The following AFF4 variants were observed in gnomAD, a reference collection of about 807,000 sequenced individuals.
AFF4 encodes the protein ALF transcription elongation factor 4.
AFF4 carries 13 observed loss-of-function variants against 124.8 expected under a neutral mutation model. That is an observed-to-expected ratio of 0.10 (90% CI 0.07 to 0.17). AFF4 has a LOEUF of 0.17. Among genes scored for constraint, AFF4 ranks in the 10% least tolerant of loss-of-function variants. The pLI, the probability that AFF4 is intolerant of heterozygous loss-of-function variation, is 1.00. For synonymous variants in AFF4, 477 were observed against 496.1 expected, an observed-to-expected ratio of 0.96 and a Z score of 0.51; for missense variants, 1,092 against 1,403.8, an observed-to-expected ratio of 0.78 and a Z score of 3.55.
At chr5:132,886,192 A>C in intron 18 of AFF4, 118 bp downstream of exon 18, 1 of 833,836 alleles carries the variant, frequency 1.2e-6, no homozygotes, top group Non-Finnish European at 1.9e-6. Flanking sequence ...GAAAAGTCCC[A>C]AACAGTAGCT....
chr5:132,928,004 T>C (rs2150093766), intron 4 of AFF4, among the ~76,000 whole-genome samples: 1 of 152,308 alleles, frequency 6.6e-6, no homozygotes, highest in East Asian at 1.9e-4. Flanking sequence ...ATATTATTTC[T>C]GGCATTTAGT....
intron 7 of AFF4, among the ~76,000 whole-genome samples, chr5:132,901,786 C>A (rs1355381474): frequency 6.6e-6 from 1 of 152,138 alleles, no homozygotes; most frequent in South Asian, 2.1e-4. Flanking sequence ...AAAACATACA[C>A]ATACAACTCT....
intron 5 of AFF4, among the ~76,000 whole-genome samples, chr5:132,908,776 A>ATATTTT (rs375891983): frequency 6.6e-4 from 76 of 114,888 alleles, no homozygotes; most frequent in African/African-American, 2.0e-3. Context: ...ATATATATAT[A>ATATTTT]TTTTTTTTTT....
chr5:132,881,853 A>T (rs1280687646), intron 20 of AFF4, among the ~76,000 whole-genome samples: 1 of 143,264 alleles, frequency 7.0e-6, no homozygotes, highest in African/African-American at 2.6e-5. Context: ...TTTAGTAGAG[A>T]TGGGGTTTCA....
chr5:132,941,063 C>A (rs1372996728), intron 1 of AFF4, among the ~76,000 whole-genome samples: 2 of 151,722 alleles, frequency 1.3e-5, no homozygotes, highest in African/African-American at 4.8e-5. Context: ...AATTAATATA[C>A]CAGTTATAGT....
chr5:132,899,084 G>A lies in AFF4; in HGVS notation c.1226+20C>T. On this transcript the variant is annotated intron_variant, in intron 9 of 20. Coordinates refer to ENST00000265343, the MANE Select transcript of AFF4 (RefSeq NM_014423.4). ...TGACCCAACTCTTACCAATAAAACAGAAAAGAAAAGGATGCCCACCTTCCT... is the reference window on the plus strand; with the variant it reads ...TGACCCAACTCTTACCAATAAAACAAAAAAGAAAAGGATGCCCACCTTCCT... 1 of 1,610,418 alleles carries A rather than the reference G, an allele frequency of 6.2e-7. No individual in the cohort carries two copies.
intron 1 of AFF4, among the ~76,000 whole-genome samples, chr5:132,942,533 C>T (rs1341958334): frequency 1.3e-5 from 2 of 150,810 alleles, no homozygotes; most frequent in South Asian, 2.1e-4. Context: ...GGCACCATCT[C>T]GGCTCACCAC....
At position 132,880,711 on chromosome 5, in the gene AFF4, G is replaced by A. The variant is rs1011756458; in HGVS notation, c.*348C>T. ...TAAATTTATAGGCAGAAATAACTAA[G>A]TCTTAAACTAGCCCCAATCTGGGAA... is the stretch of plus-strand genomic sequence containing the variant. On this transcript the variant is annotated 3_prime_UTR_variant, in exon 21 of 21. Coordinates refer to ENST00000265343, the MANE Select transcript of AFF4 (RefSeq NM_014423.4). 7 of 290,616 alleles carry A rather than the reference G, an allele frequency of 2.4e-5. No homozygotes were observed. The highest frequency in any genetic ancestry group is 1.5e-4 in the African/African-American group (7 of 46,796). 18.0% of individuals were successfully genotyped at this position (290,616 alleles called of 1,614,324 possible). A position where few individuals can be genotyped will look rare whatever the true frequency, so the allele number is the denominator to read the frequency against.
chr5:132,907,669 T>A (rs1046630723), intron 5 of AFF4, among the ~76,000 whole-genome samples: 1 of 152,050 alleles, frequency 6.6e-6, no homozygotes, highest in African/African-American at 2.4e-5. Flanking sequence ...GAGCAAAGGC[T>A]TCCCTGAGGA....
rs895764131 is a variant in AFF4, at chr5:132,893,064, T to G, written c.2362A>C (p.Asn788His). The change falls in exon 12 of 21, where the codon AAT (asparagine) becomes CAT (histidine). Residue 788 changes from asparagine to histidine, a missense_variant. By Grantham distance (68) the Asn-to-His change is moderately conservative. Transcript: ENST00000265343. ...ESKKPKTEDKNSAGHKPSSNR... is the reference protein window; with the variant it reads ...ESKKPKTEDKHSAGHKPSSNR... ...CTGGATGGCTTATGGCCTGCTGAAT[T>G]CTTGTCCTCCGTTTTGGGTTTCTTG... 6.2e-7 allele frequency: 1 copy of G among 1,614,018 alleles called. No homozygotes were observed. Among genetic ancestry groups the G allele is most frequent in the Non-Finnish European group, 8.5e-7 (1 of 1,180,018 alleles).
chr5:132,930,353 G>C (rs1761270235), intron 4 of AFF4, among the ~76,000 whole-genome samples: 2 of 152,086 alleles, frequency 1.3e-5, no homozygotes. Context: ...AGGCAAGAAA[G>C]GTGGAAGGCA....
Position 132,898,366 on chromosome 5 carries a change from C to T in AFF4, c.1253G>A (p.Ser418Asn). 6.2e-7 allele frequency: 1 copy of T among 1,614,144 alleles called. No homozygotes were observed. Among genetic ancestry groups the T allele is most frequent in the Non-Finnish European group, 8.5e-7 (1 of 1,180,022 alleles). Residue 418 changes from serine (S) to asparagine (N), a missense_variant, in exon 10 of 21, where the codon AGT (serine) becomes AAT (asparagine). Ser to Asn is a conservative substitution (Grantham distance 46, BLOSUM62 1). Transcript: ENST00000265343. ...ATCCCTGGAGTTATCTGCTCCTTCACTATTATGGTGTGAAGGTTCAGAGTT... is the reference window on the plus strand; with the variant it reads ...ATCCCTGGAGTTATCTGCTCCTTCATTATTATGGTGTGAAGGTTCAGAGTT... ...GSNSEPSHHN[S>N]EGADNSRDDS... is the part of the protein sequence containing the mutation.
intron 5 of AFF4, among the ~76,000 whole-genome samples, chr5:132,924,464 G>A (rs1312532190): frequency 6.6e-6 from 1 of 152,172 alleles, no homozygotes; most frequent in Non-Finnish European, 1.5e-5. Flanking sequence ...GGAGGCGAGG[G>A]AGACTACAAA....
chr5:132,930,630 A>G (rs1761276094), intron 4 of AFF4, among the ~76,000 whole-genome samples: 1 of 151,582 alleles, frequency 6.6e-6, no homozygotes, highest in Non-Finnish European at 1.5e-5. Flanking sequence ...TTAAGTATAG[A>G]CACAAATTCA....
At position 132,875,396 on chromosome 5, in the gene AFF4, T is replaced by G. The variant is rs1759815021; in HGVS notation, c.*5663A>C. The G allele has an allele frequency of 1.1e-5, 2 of 177,332 alleles. No individual in the cohort carries two copies. The highest frequency in any genetic ancestry group is 1.9e-4 in the East Asian group (2 of 10,564). 11.0% of individuals were successfully genotyped at this position (177,332 alleles called of 1,614,324 possible). On this transcript the variant is annotated 3_prime_UTR_variant, in exon 21 of 21. Coordinates refer to ENST00000265343, the MANE Select transcript of AFF4 (RefSeq NM_014423.4). The stretch of plus-strand genomic sequence containing the variant: ...ATAAAGAGTACAGTGTTCAGTAACT[T>G]TAATACAGAAAATCTATTTGATATT...
At chr5:132,901,099 G>C (rs188842283) in intron 7 of AFF4, 38 of 985,338 alleles carry the variant, frequency 3.9e-5, no homozygotes, top group Non-Finnish European at 4.5e-5. Context: ...TTCAGACAGG[G>C]GCTTAGTGCA....
chr5:132,947,185 G>A (rs780373125), intron 1 of AFF4, among the ~76,000 whole-genome samples: 2 of 152,236 alleles, frequency 1.3e-5, no homozygotes, highest in Non-Finnish European at 1.5e-5. Flanking sequence ...AGTGGATCAC[G>A]TGAGGTCAGG....
chr5:132,920,110 C>T (rs1042450891), intron 5 of AFF4, among the ~76,000 whole-genome samples: 9 of 151,856 alleles, frequency 5.9e-5, no homozygotes, highest in African/African-American at 1.2e-4. Flanking sequence ...AGTGCACTGG[C>T]GCAATCTTGG....
intron 5 of AFF4, among the ~76,000 whole-genome samples, chr5:132,906,384 A>C (rs1760671354): frequency 6.6e-6 from 1 of 152,260 alleles, no homozygotes; most frequent in Non-Finnish European, 1.5e-5. Context: ...ATGAATGTAT[A>C]AACAAAATGT....
Sources: gnomAD v4.1 joint callset for allele counts (sites outside exome capture counted in the v4.1 genomes callset) on GRCh38, gnomAD v4.1.1 for gene constraint, MANE v1.5 for transcripts, NCBI Gene and HGNC (gene_info 2026-07-23, HGNC 2026-07-21) for gene names.